Variants in ZNF423 observed in about 807,000 individuals in gnomAD.
ZNF423 encodes Ebf-associated zinc finger protein.
Under a neutral mutation model 95.8 loss-of-function variants are expected in ZNF423, and 12 were observed. The ratio of observed to expected loss-of-function variants is 0.13; its 90% CI spans 0.08 to 0.20. ZNF423 has a LOEUF of 0.20. ZNF423 is among the 10% of genes least tolerant of loss of function. The pLI is 1.00. For synonymous variants in ZNF423, 749 were observed against 711.9 expected, an observed-to-expected ratio of 1.05 and a Z score of -0.83; for missense variants, 1,316 against 1,737.1, an observed-to-expected ratio of 0.76 and a Z score of 4.31.
intron 5 of ZNF423, among the ~76,000 whole-genome samples, chr16:49,531,156 T>C (rs1389008927): frequency 6.6e-6 from 1 of 152,094 alleles, no homozygotes; most frequent in Non-Finnish European, 1.5e-5. Flanking sequence ...AGAGTGTGTC[T>C]GCAGGTGGAA....
intron 3 of ZNF423, among the ~76,000 whole-genome samples, chr16:49,647,566 G>T (rs1186906525): frequency 6.6e-6 from 1 of 152,212 alleles, no homozygotes; most frequent in African/African-American, 2.4e-5. Context: ...GGCAGAAGAG[G>T]AGGTTGAGGT....
intron 5 of ZNF423, among the ~76,000 whole-genome samples, chr16:49,618,671 G>A (rs1281402037): frequency 2.0e-5 from 3 of 152,142 alleles, no homozygotes; most frequent in Non-Finnish European, 4.4e-5. Context: ...CCAGTCTTGG[G>A]TAGATCCTTA....
intron 5 of ZNF423, among the ~76,000 whole-genome samples, chr16:49,570,699 G>A (rs1272340358): frequency 6.6e-6 from 1 of 152,216 alleles, no homozygotes; most frequent in African/African-American, 2.4e-5. Context: ...GGAGTGTATT[G>A]ATTGAGGAGG....
chr16:49,794,046 T>G (rs397832886), intron 1 of ZNF423, among the ~76,000 whole-genome samples: 1 of 121,162 alleles, frequency 8.3e-6, no homozygotes, highest in Non-Finnish European at 1.8e-5. Flanking sequence ...TCTCTCTCTC[T>G]CGCTCTCTGA....
At chr16:49,589,037 C>G (rs1567487469) in intron 5 of ZNF423, among the ~76,000 whole-genome samples, 1 of 152,216 alleles carries the variant, frequency 6.6e-6, no homozygotes, top group Non-Finnish European at 1.5e-5. Flanking sequence ...GAGGTCCTCC[C>G]CAGCAGCCCT....
chr16:49,616,019 TG>T (rs1971862770), intron 5 of ZNF423, among the ~76,000 whole-genome samples: 1 of 152,210 alleles, frequency 6.6e-6, no homozygotes, highest in Non-Finnish European at 1.5e-5. Flanking sequence ...CCATCACTAT[TG>T]GACACAATCA....
chr16:49,756,342 C>T (rs1323928186), intron 2 of ZNF423, among the ~76,000 whole-genome samples: 2 of 152,128 alleles, frequency 1.3e-5, no homozygotes, highest in East Asian at 3.9e-4. Context: ...ATTAAACACA[C>T]ATACAGACAT....
chr16:49,724,273 C>T lies in ZNF423; in HGVS notation c.301+6498G>A, dbSNP rs546095489. The stretch of plus-strand genomic sequence containing the variant: ...TTTATACATTTTGTGGCTGACATAA[C>T]GGGACCATTTCTTGCTCTGTGTTTC... On this transcript the variant is annotated intron_variant, in intron 3 of 7. Coordinates refer to ENST00000563137, the MANE Select transcript of ZNF423 (RefSeq NM_001379286.1). 1.1e-4 allele frequency among the ~76,000 whole-genome samples: 17 copies of T among 152,300 alleles called. No homozygotes were observed. The South Asian group carries it at 1.9e-3, about 17-fold the overall frequency.
At chr16:49,531,991 G>C (rs1040766244) in intron 5 of ZNF423, among the ~76,000 whole-genome samples, 10 of 152,330 alleles carry the variant, frequency 6.6e-5, no homozygotes, top group South Asian at 4.1e-4. Context: ...GCGATACAAG[G>C]GGCTTAGGGA....
intron 1 of ZNF423, among the ~76,000 whole-genome samples, chr16:49,793,059 C>T (rs1406042046): frequency 6.6e-6 from 1 of 152,118 alleles, no homozygotes; most frequent in East Asian, 1.9e-4. Flanking sequence ...TGAGCCACCA[C>T]GCCTGGTTTT....
intron 5 of ZNF423, 56 bp downstream of exon 5, chr16:49,626,114 A>G: frequency 6.3e-7 from 1 of 1,579,486 alleles, no homozygotes. Context: ...TTGGAACCGC[A>G]AATTTAAAAC....
At chr16:49,580,222 C>T (rs7205088) in intron 5 of ZNF423, among the ~76,000 whole-genome samples, 53,725 of 151,966 alleles carry the variant, frequency 0.35, 9,565 homozygotes, top group East Asian at 0.43. Context: ...GCCTCTCTCA[C>T]GTCATGGGAG....
In ZNF423 at chr16:49,753,179, G is replaced by A. The variant is rs571217711; in HGVS notation, c.101-22208C>T. Among the ~76,000 whole-genome samples, 45 of 152,226 alleles carry A rather than the reference G, an allele frequency of 3.0e-4. 1 individual carries two copies. Among genetic ancestry groups the A allele is most frequent in the Admixed American group, 2.3e-3 (35 of 15,296 alleles). On this transcript the variant is annotated intron_variant, in intron 2 of 7. Coordinates refer to ENST00000563137, the MANE Select transcript of ZNF423 (RefSeq NM_001379286.1). ...GAATCACTTGAACCCGGGAGGCAGA[G>A]GTTGCAGTGAGCCAAGATCATGCCA...
chr16:49,739,695 G>GTTTTTTTTTT (rs1567321248), intron 2 of ZNF423, among the ~76,000 whole-genome samples: 1 of 132,734 alleles, frequency 7.5e-6, no homozygotes, highest in Non-Finnish European at 1.6e-5. Flanking sequence ...GTTTTTGTTT[G>GTTTTTTTTTT]GTTTTTTTTT....
intron 2 of ZNF423, among the ~76,000 whole-genome samples, 161 bp downstream of exon 2, chr16:49,789,326 T>G (rs979233063): frequency 6.6e-6 from 1 of 152,204 alleles, no homozygotes; most frequent in Non-Finnish European, 1.5e-5. Context: ...ATTGACCATA[T>G]GGAACTGATA....
chr16:49,807,194 G>A (rs1333710969), intron 1 of ZNF423, among the ~76,000 whole-genome samples: 3 of 152,164 alleles, frequency 2.0e-5, no homozygotes, highest in African/African-American at 7.2e-5. Context: ...CACTTTGGGA[G>A]GCTGAGGCAG....
chr16:49,699,754 G>A (rs2151953657), intron 3 of ZNF423, among the ~76,000 whole-genome samples: 1 of 152,330 alleles, frequency 6.6e-6, no homozygotes, highest in Non-Finnish European at 1.5e-5. Context: ...CCCACTGGAT[G>A]AAAATTGAAG....
intron 3 of ZNF423, among the ~76,000 whole-genome samples, chr16:49,694,963 G>A (rs532530565): frequency 2.2e-4 from 33 of 152,348 alleles, no homozygotes; most frequent in Non-Finnish European, 4.1e-4. Context: ...AGACGTGAGA[G>A]TGTGGTCCTC....
rs1966892107 is a variant in ZNF423, at chr16:49,489,544, C to CGCGTGAGAACATT, written c.*1718_*1730dup. On this transcript the variant is annotated 3_prime_UTR_variant, in exon 8 of 8. Coordinates refer to ENST00000563137, the MANE Select transcript of ZNF423 (RefSeq NM_001379286.1). Reference sequence around the variant, plus strand: ...CTTTTGAAAAACTGAAAGCCCCACCCGCGTGAGAACATTACATGAGGTGAC... The same window carrying CGCGTGAGAACATT: ...CTTTTGAAAAACTGAAAGCCCCACCCGCGTGAGAACATTGCGTGAGAACATTACATGAGGTGAC... The CGCGTGAGAACATT allele has an allele frequency of 6.6e-6, 1 of 152,158 alleles. No homozygotes were observed. The highest frequency in any genetic ancestry group is 2.1e-4 in the South Asian group (1 of 4,824). The allele number at this position is 152,158 out of a possible 1,614,324, so 9.4% of individuals were successfully genotyped here. A position where few individuals can be genotyped will look rare whatever the true frequency, so the allele number is the denominator to read the frequency against.
Sources: allele counts gnomAD v4.1 joint callset (sites outside exome capture counted in the v4.1 genomes callset), GRCh38; gene constraint gnomAD v4.1.1; transcripts MANE v1.5; gene names NCBI Gene and HGNC (gene_info 2026-07-23, HGNC 2026-07-21).